BCL2L13: variants seen among roughly 807,000 people sequenced by gnomAD.
BCL2L13 encodes the protein bcl-2-like protein 13.
A neutral mutation model predicts 25.8 loss-of-function variants in BCL2L13; 13 were observed. The observed-to-expected ratio is 0.50, with a 90% CI of 0.33 to 0.80. BCL2L13 has a LOEUF of 0.80. BCL2L13 is among the 30% of genes least tolerant of loss of function. BCL2L13 has a pLI of 0.02. For missense variants in BCL2L13, 504 were observed against 574.9 expected (o/e 0.88, Z 1.26); for synonymous variants, 244 against 230.3 (o/e 1.06, Z -0.54).
At chr22:17,710,858 C>T (rs568799051) in intron 6 of BCL2L13, among the ~76,000 whole-genome samples, 22 of 151,274 alleles carry the variant, frequency 1.5e-4, no homozygotes, top group Admixed American at 1.1e-3. Context: ...GGCTGGGCGA[C>T]AGAGCGAGAC....
chr22:17,649,510 C>CT (rs927231530), intron 1 of BCL2L13, among the ~76,000 whole-genome samples: 22 of 149,544 alleles, frequency 1.5e-4, no homozygotes, highest in Non-Finnish European at 2.2e-4. Context: ...GCTAAAGAGA[C>CT]TTTTTTTTTT....
In BCL2L13 at chr22:17,702,315, G is replaced by T. The variant is rs575508919; in HGVS notation, c.529G>T (p.Ala177Ser). The change falls in exon 6 of 7, where the codon GCA becomes TCA. Residue 177 changes from alanine to serine, a missense_variant. Transcript: ENST00000317582. ...LTRRGQEPLS[A>S]LLQFGVTYLE... ...AAGACGTGGTCAAGAACCTTTGAGCGCACTGCTGCAGTTTGGCGTGACATA... is the reference window on the plus strand; with the variant it reads ...AAGACGTGGTCAAGAACCTTTGAGCTCACTGCTGCAGTTTGGCGTGACATA... The T allele has an allele frequency of 4.3e-6, 7 of 1,612,358 alleles. No individual in the cohort carries two copies. In the South Asian group the frequency reaches 4.4e-5, roughly 10 times the overall value.
At chr22:17,655,555 GCAAGACTCTAC>G in intron 1 of BCL2L13, 96 bp from the exon 2 acceptor site, 1 of 860,468 alleles carries the variant, frequency 1.2e-6, no homozygotes, top group Non-Finnish European at 1.7e-6. Context: ...AGCGACAAGA[GCAAGACTCTAC>G]CTCAAAAGAG....
chr22:17,655,676 T>G lies in BCL2L13; in HGVS notation c.-36T>G. 1 of 1,603,968 alleles carries G rather than the reference T, an allele frequency of 6.2e-7. No individual in the cohort carries two copies. Among genetic ancestry groups the G allele is most frequent in the Non-Finnish European group, 8.5e-7 (1 of 1,176,238 alleles). On this transcript the variant is annotated 5_prime_UTR_variant, in exon 2 of 7. Transcript: ENST00000317582. ...TTTGTTCTTAGGTTTTACACATCCA[T>G]AAGTAGACCTTTTTGGAGCCTCACC...
At chr22:17,644,664 A>C (rs1335395448) in intron 1 of BCL2L13, among the ~76,000 whole-genome samples, 2 of 151,480 alleles carry the variant, frequency 1.3e-5, no homozygotes. Flanking sequence ...TAGTGGAAGG[A>C]AATTTAGAAA....
chr22:17,685,014 C>G (rs1032324006), intron 3 of BCL2L13, among the ~76,000 whole-genome samples: 1 of 152,050 alleles, frequency 6.6e-6, no homozygotes, highest in Non-Finnish European at 1.5e-5. Context: ...GGATTACAGG[C>G]ATGAGCCACC....
chr22:17,664,429 C>T (rs2059172307), intron 2 of BCL2L13, among the ~76,000 whole-genome samples: 2 of 151,964 alleles, frequency 1.3e-5, no homozygotes, highest in Non-Finnish European at 2.9e-5. Context: ...CCCCCCGGCT[C>T]CTTTCACAGA....
At chr22:17,690,712 A>G (rs1343858597) in intron 4 of BCL2L13, among the ~76,000 whole-genome samples, 1 of 152,148 alleles carries the variant, frequency 6.6e-6, no homozygotes, top group Non-Finnish European at 1.5e-5. Context: ...GCAGTAAGCT[A>G]TGATCACACC....
At chr22:17,706,790 T>C (rs772326556) in intron 6 of BCL2L13, 2 of 1,352,178 alleles carry the variant, frequency 1.5e-6, no homozygotes, top group Non-Finnish European at 9.8e-7. Context: ...TAGAAGTCTG[T>C]CTGTCTCCTG....
At chr22:17,651,516 G>A (rs1386674375) in intron 1 of BCL2L13, among the ~76,000 whole-genome samples, 1 of 150,692 alleles carries the variant, frequency 6.6e-6, no homozygotes, top group Non-Finnish European at 1.5e-5. Context: ...CGAGTAGCTG[G>A]GATTACAGGT....
At chr22:17,668,788 A>T (rs1160097163) in intron 2 of BCL2L13, among the ~76,000 whole-genome samples, 1 of 152,018 alleles carries the variant, frequency 6.6e-6, no homozygotes, top group Non-Finnish European at 1.5e-5. Context: ...GTTAATTTTT[A>T]CATATGGTTT....
At position 17,702,247 on chromosome 22, in the gene BCL2L13, T is replaced by C. The variant is rs757259133; in HGVS notation, c.461T>C (p.Leu154Ser). ...TVHASGWNKI[L>S]VPLVLLRQML... ...TCTCTCATCTTTGCATTGAAGATTTTGGTGCCTCTGGTTTTGCTACGACAA... is the reference window on the plus strand; with the variant it reads ...TCTCTCATCTTTGCATTGAAGATTTCGGTGCCTCTGGTTTTGCTACGACAA... The change falls in exon 6 of 7, where the codon TTG becomes TCG. Residue 154 changes from leucine to serine, a missense_variant. Leu to Ser is a moderately radical substitution (Grantham distance 145). Coordinates refer to ENST00000317582, the MANE Select transcript of BCL2L13 (RefSeq NM_015367.4). 31 of 1,600,026 alleles carry C rather than the reference T, an allele frequency of 1.9e-5. No homozygotes were observed. In the South Asian group the frequency reaches 2.9e-4, roughly 15 times the overall value.
intron 1 of BCL2L13, among the ~76,000 whole-genome samples, chr22:17,654,667 G>A (rs1007114408): frequency 1.3e-5 from 2 of 149,536 alleles, no homozygotes; most frequent in Non-Finnish European, 3.0e-5. Flanking sequence ...CTCGTGATCC[G>A]CCCGCCTCGG....
Position 17,728,983 on chromosome 22 carries a change from G to A in BCL2L13, c.*1449G>A, listed in dbSNP as rs191695770. ...CCAGCCCTAAAGGAAGGGCAGACCC[G>A]TGTCTTTCCATGCCCGAGGGCCACG... On this transcript the variant is annotated 3_prime_UTR_variant, in exon 7 of 7. Transcript: ENST00000317582. 13 of 152,290 alleles carry A rather than the reference G, an allele frequency of 8.5e-5. No homozygotes were observed. Among genetic ancestry groups the A allele is most frequent in the East Asian group, 1.9e-4 (1 of 5,188 alleles). The allele number at this position is 152,290 out of a possible 1,614,324, so 9.4% of individuals were successfully genotyped here. A position where few individuals can be genotyped will look rare whatever the true frequency, so the allele number is the denominator to read the frequency against.
chr22:17,702,152 C>G, intron 5 of BCL2L13, 91 bp from the exon 6 acceptor site: 1 of 949,242 alleles, frequency 1.1e-6, no homozygotes, highest in South Asian at 2.0e-5. Context: ...CTTAATGATG[C>G]ATTTAAATAT....
intron 6 of BCL2L13, among the ~76,000 whole-genome samples, chr22:17,707,597 T>TAG (rs1455865288): frequency 6.6e-6 from 1 of 152,186 alleles, no homozygotes; most frequent in Non-Finnish European, 1.5e-5. Context: ...CTTGTAGATG[T>TAG]TATTCTAATG....
Position 17,728,808 on chromosome 22 carries a change from C to T in BCL2L13, c.*1274C>T, listed in dbSNP as rs2061356746. 6.6e-6 allele frequency: 1 copy of T among 152,238 alleles called. No individual in the cohort carries two copies. Among genetic ancestry groups the T allele is most frequent in the African/African-American group, 2.4e-5 (1 of 41,464 alleles). The allele number at this position is 152,238 out of a possible 1,614,324, so 9.4% of individuals were successfully genotyped here. On this transcript the variant is annotated 3_prime_UTR_variant, in exon 7 of 7. Coordinates refer to ENST00000317582, the MANE Select transcript of BCL2L13 (RefSeq NM_015367.4). ...TGGTGGCATCTTCACCTGAATTCTTCAATGCCAGGGTAATAAACCAAAATA... is the reference window on the plus strand; with the variant it reads ...TGGTGGCATCTTCACCTGAATTCTTTAATGCCAGGGTAATAAACCAAAATA...
intron 4 of BCL2L13, 62 bp downstream of exon 4, chr22:17,689,204 A>G (rs2060033010): frequency 1.3e-6 from 2 of 1,535,002 alleles, no homozygotes; most frequent in Admixed American, 3.5e-5. Flanking sequence ...CTCATGCAGC[A>G]CTGGATTGGT....
chr22:17,671,335 A>C (rs1473812529), intron 2 of BCL2L13, among the ~76,000 whole-genome samples: 4 of 147,360 alleles, frequency 2.7e-5, no homozygotes, highest in Non-Finnish European at 5.9e-5. Context: ...CAGAGCTTGC[A>C]GTGAGCCAAG....
Sources: gnomAD v4.1 joint callset for allele counts (sites outside exome capture counted in the v4.1 genomes callset) on GRCh38, gnomAD v4.1.1 for gene constraint, MANE v1.5 for transcripts, NCBI Gene and HGNC (gene_info 2026-07-23, HGNC 2026-07-21) for gene names.